CARTPT: variants seen among roughly 807,000 people sequenced by gnomAD.
The protein encoded by CARTPT is cocaine- and amphetamine-regulated transcript protein.
CARTPT carries 6 observed loss-of-function variants against 12.2 expected under a neutral mutation model. The ratio of observed to expected loss-of-function variants is 0.49; its 90% CI spans 0.27 to 0.97. The LOEUF is 0.97. Ranked by LOEUF, CARTPT falls within the 50% of genes least tolerant of loss-of-function variation. The pLI, the probability that CARTPT is intolerant of heterozygous loss-of-function variation, is 0.12. For missense variants in CARTPT, 135 were observed against 142.0 expected (o/e 0.95, Z 0.25); for synonymous variants, 75 against 64.1 (o/e 1.17, Z -0.82).
intron 1 of CARTPT, 101 bp downstream of exon 1, chr5:71,719,553 A>G (rs974493864): frequency 3.5e-6 from 5 of 1,447,760 alleles, no homozygotes; most frequent in Non-Finnish European, 4.8e-6. Flanking sequence ...TCCCAGAGTC[A>G]GGGCGCGGGG....
rs1167508703 is a variant in CARTPT, at chr5:71,719,991, T to C, written c.243+28T>C. ...AAGGTTTGTGGTCACTCCCTTCCCGTGTTTTTCCAAGAGAAAGTACACCGC... is the reference window on the plus strand; with the variant it reads ...AAGGTTTGTGGTCACTCCCTTCCCGCGTTTTTCCAAGAGAAAGTACACCGC... On this transcript the variant is annotated intron_variant, in intron 2 of 2. Transcript: ENST00000296777. 6 of 1,594,056 alleles carry C rather than the reference T, an allele frequency of 3.8e-6. No homozygotes were observed. The East Asian group carries it at 8.9e-5, about 24-fold the overall frequency.
Position 71,720,669 on chromosome 5 carries a change from C to G in CARTPT, c.*54C>G, listed in dbSNP as rs1426126300. 7.4e-7 allele frequency: 1 copy of G among 1,355,782 alleles called. No homozygotes were observed. Among genetic ancestry groups the G allele is most frequent in the East Asian group, 2.4e-5 (1 of 41,238 alleles). 84.0% of individuals were successfully genotyped at this position (1,355,782 alleles called of 1,614,324 possible). On this transcript the variant is annotated 3_prime_UTR_variant, in exon 3 of 3. Transcript: ENST00000296777. The stretch of plus-strand genomic sequence containing the variant: ...CCATCCCTCTACTTTCCCCAGAGGA[C>G]CACACCTTCCTCCCTGGAGTTTGGC...
In CARTPT at chr5:71,720,558, G is replaced by A; in HGVS notation, c.294G>A (p.Lys98=). The A allele has an allele frequency of 6.2e-7, 1 of 1,613,348 alleles. No individual in the cohort carries two copies. The highest frequency in any genetic ancestry group is 8.5e-7 in the Non-Finnish European group (1 of 1,179,814). The change falls in exon 3 of 3, where the codon AAG becomes AAA. Residue 98 remains lysine, a synonymous_variant. Transcript: ENST00000296777. The part of the protein sequence containing the change: ...CAVRKGARIG[K]LCDCPRGTSC... ...TGAGGAAAGGGGCAAGGATCGGGAAGCTGTGTGACTGTCCCCGAGGAACCT... is the reference window on the plus strand; with the variant it reads ...TGAGGAAAGGGGCAAGGATCGGGAAACTGTGTGACTGTCCCCGAGGAACCT...
rs1374862703 is a variant in CARTPT at position 71,720,764 on chromosome 5, A to G, written c.*149A>G. On this transcript the variant is annotated 3_prime_UTR_variant, in exon 3 of 3. Transcript: ENST00000296777. ...CTCTTTTCCTGCTGTTTCAAAAATAAAAGAACACATTAGATGTTACTGTGT... is the reference window on the plus strand; with the variant it reads ...CTCTTTTCCTGCTGTTTCAAAAATAGAAGAACACATTAGATGTTACTGTGT... 3 of 702,526 alleles carry G rather than the reference A, an allele frequency of 4.3e-6. No homozygotes were observed. The highest frequency in any genetic ancestry group is 2.7e-5 in the East Asian group (1 of 36,918). 43.5% of individuals were successfully genotyped at this position (702,526 alleles called of 1,614,324 possible).
chr5:71,720,457 TG>T (rs1307229780), intron 2 of CARTPT, 50 bp from the exon 3 acceptor site: 5 of 1,530,622 alleles, frequency 3.3e-6, no homozygotes, highest in Admixed American at 3.7e-5. Context: ...ACTTGCCTGT[TG>T]GGAACCTGGG....
At chr5:71,719,743 C>T (rs1343015834) in intron 1 of CARTPT, 137 bp from the exon 2 acceptor site, 21 of 875,350 alleles carry the variant, frequency 2.4e-5, no homozygotes, top group Non-Finnish European at 3.9e-5. Flanking sequence ...ACCCCTCGAC[C>T]ATTCCCTGTG....
chr5:71,719,838 A>G, intron 1 of CARTPT, 42 bp from the exon 2 acceptor site: 1 of 1,599,622 alleles, frequency 6.3e-7, no homozygotes, highest in Non-Finnish European at 8.6e-7. Flanking sequence ...CTGGGCTCGC[A>G]GCCAAGGCGG....
rs746270571 is a variant in CARTPT at position 71,720,500 on chromosome 5, T to C, written c.244-8T>C. Reference sequence around the variant, plus strand: ...CATACTCGATGACCACACATTTTGTTGTTTCAGTGTGACGCCGGTGAGCAG... The same window carrying C: ...CATACTCGATGACCACACATTTTGTCGTTTCAGTGTGACGCCGGTGAGCAG... On this transcript the variant is annotated splice_region_variant and splice_polypyrimidine_tract_variant and intron_variant, in intron 2 of 2. Coordinates refer to ENST00000296777, the MANE Select transcript of CARTPT (RefSeq NM_004291.4). The C allele has an allele frequency of 6.2e-7, 1 of 1,608,868 alleles. No individual in the cohort carries two copies. The highest frequency in any genetic ancestry group is 1.1e-5 in the South Asian group (1 of 89,670).
chr5:71,720,008 G>A, intron 2 of CARTPT, 45 bp downstream of exon 2: 1 of 1,511,256 alleles, frequency 6.6e-7, no homozygotes. Flanking sequence ...CCAAGAGAAA[G>A]TACACCGCCT....
At position 71,720,858 on chromosome 5, in the gene CARTPT, C is replaced by T. The variant is rs1412005097; in HGVS notation, c.*243C>T. On this transcript the variant is annotated 3_prime_UTR_variant, in exon 3 of 3. Coordinates refer to ENST00000296777, the MANE Select transcript of CARTPT (RefSeq NM_004291.4). ...TCTTATTTTATTTGTCTGACAAACT[C>T]TTGTGTACCTTTGTGTAAAGAAGGG... 1 of 493,622 alleles carries T rather than the reference C, an allele frequency of 2.0e-6. No individual in the cohort carries two copies. The highest frequency in any genetic ancestry group is 3.7e-6 in the Non-Finnish European group (1 of 272,290). 30.6% of individuals were successfully genotyped at this position (493,622 alleles called of 1,614,324 possible). A position where few individuals can be genotyped will look rare whatever the true frequency, so the allele number is the denominator to read the frequency against.
rs759961592 is a variant in CARTPT, at chr5:71,719,969, G to T, written c.243+6G>T. 3.1e-6 allele frequency: 5 copies of T among 1,612,700 alleles called. No individual in the cohort carries two copies. The highest frequency in any genetic ancestry group is 2.7e-5 in the African/African-American group (2 of 74,906). On this transcript the variant is annotated splice_donor_region_variant and intron_variant, in intron 2 of 2. Transcript: ENST00000296777. ...AGTATGGCCAAGTCCCCATGGTAAGGTTTGTGGTCACTCCCTTCCCGTGTT... is the reference window on the plus strand; with the variant it reads ...AGTATGGCCAAGTCCCCATGGTAAGTTTTGTGGTCACTCCCTTCCCGTGTT...
At chr5:71,720,372 T>G (rs770792272) in intron 2 of CARTPT, 136 bp from the exon 3 acceptor site, 18 of 752,462 alleles carry the variant, frequency 2.4e-5, no homozygotes, top group Non-Finnish European at 4.0e-5. Context: ...CAGATCTGAC[T>G]GTACGTAGAC....
At chr5:71,719,615 T>C (rs982365546) in intron 1 of CARTPT, 163 bp downstream of exon 1, 28 of 881,304 alleles carry the variant, frequency 3.2e-5, no homozygotes, top group Middle Eastern at 2.5e-4. Flanking sequence ...CGTCTCGAGC[T>C]CACGGGCTCC....
In CARTPT at chr5:71,720,633, TC is replaced by T. The variant is rs752016385; in HGVS notation, c.*20del. 8 of 1,563,700 alleles carry T rather than the reference TC, an allele frequency of 5.1e-6. No individual in the cohort carries two copies. In the South Asian group the frequency reaches 9.2e-5, roughly 18 times the overall value. Reference sequence around the variant, plus strand: ...GCTTATGAAGGGGCGTCCATTCTCCTCCATACATCCCCATCCCTCTACTTTC... The same window carrying T: ...GCTTATGAAGGGGCGTCCATTCTCCTCATACATCCCCATCCCTCTACTTTC... On this transcript the variant is annotated 3_prime_UTR_variant, in exon 3 of 3. Transcript: ENST00000296777.
chr5:71,720,467 G>C (rs1478598876), intron 2 of CARTPT, 41 bp from the exon 3 acceptor site: 5 of 1,561,024 alleles, frequency 3.2e-6, no homozygotes, highest in East Asian at 2.3e-5. Flanking sequence ...TGGGAACCTG[G>C]GTTTGTTCAT....
rs540596261 is a variant in CARTPT at position 71,720,594 on chromosome 5, C to T, written c.330C>T (p.Ser110=). ...GTCCCCGAGGAACCTCCTGCAATTC[C>T]TTCCTCCTGAAGTGCTTATGAAGGG... The part of the protein sequence containing the change: ...CDCPRGTSCN[S]FLLKCL Residue 110 remains serine (S), a synonymous_variant, in exon 3 of 3, where the codon TCC becomes TCT. Coordinates refer to ENST00000296777, the MANE Select transcript of CARTPT (RefSeq NM_004291.4). The T allele has an allele frequency of 1.6e-5, 25 of 1,610,406 alleles. No individual in the cohort carries two copies. The African/African-American group carries it at 2.4e-4, about 15-fold the overall frequency.
chr5:71,719,651 A>G (rs1025521201), intron 1 of CARTPT, 199 bp downstream of exon 1: 2 of 758,566 alleles, frequency 2.6e-6, no homozygotes, highest in Non-Finnish European at 4.4e-6. Flanking sequence ...CGAATCCCTC[A>G]TCCCGGCCCC....
At chr5:71,720,249 C>T (rs1016325228) in intron 2 of CARTPT, among the ~76,000 whole-genome samples, 1 of 152,162 alleles carries the variant, frequency 6.6e-6, no homozygotes, top group Non-Finnish European at 1.5e-5. Context: ...CCCCTTCCCA[C>T]GCCCCCCAAC....
rs759699724 is a variant in CARTPT at position 71,719,471 on chromosome 5, C to G, written c.159+19C>G. ...GGAGCTGGTCGGTATTCCCCTCGCT[C>G]TCGACCCCCTTGAGCTGTCGCCTTG... is the stretch of plus-strand genomic sequence containing the variant. On this transcript the variant is annotated intron_variant, in intron 1 of 2. Transcript: ENST00000296777. The G allele has an allele frequency of 3.1e-6, 5 of 1,613,948 alleles. No individual in the cohort carries two copies. Among genetic ancestry groups the G allele is most frequent in the Non-Finnish European group, 4.2e-6 (5 of 1,179,934 alleles).
Sources: gnomAD v4.1 joint callset for allele counts (sites outside exome capture counted in the v4.1 genomes callset) on GRCh38, gnomAD v4.1.1 for gene constraint, MANE v1.5 for transcripts, NCBI Gene and HGNC (gene_info 2026-07-23, HGNC 2026-07-21) for gene names.